TIMD4: variants seen among roughly 807,000 people sequenced by gnomAD.
TIMD4 encodes T cell immunoglobulin and mucin domain containing 4.
A neutral mutation model predicts 41.2 loss-of-function variants in TIMD4; 31 were observed. The ratio of observed to expected loss-of-function variants is 0.75; its 90% CI spans 0.57 to 1.01. The LOEUF (loss-of-function observed/expected upper bound fraction) is 1.01. TIMD4 is among the 50% of genes least tolerant of loss of function. The pLI, the probability that TIMD4 is intolerant of heterozygous loss-of-function variation, is 0.00. For missense variants in TIMD4, 479 were observed against 472.5 expected, an observed-to-expected ratio of 1.01 and a Z score of -0.13; for synonymous variants, 204 against 177.1, an observed-to-expected ratio of 1.15 and a Z score of -1.21.
At chr5:156,948,105 G>A (rs542083229) in intron 5 of TIMD4, among the ~76,000 whole-genome samples, 2 of 152,288 alleles carry the variant, frequency 1.3e-5, no homozygotes, top group South Asian at 2.1e-4. Context: ...GCTGGCGGGA[G>A]GATGTGGTAC....
chr5:156,937,382 CAG>C (rs147842589), intron 5 of TIMD4, among the ~76,000 whole-genome samples: 1 of 151,958 alleles, frequency 6.6e-6, no homozygotes, highest in Non-Finnish European at 1.5e-5. Flanking sequence ...GGGCAGAAAA[CAG>C]AGAGAGAGAC....
chr5:156,941,908 A>G (rs1332710529), intron 5 of TIMD4, among the ~76,000 whole-genome samples: 2 of 152,232 alleles, frequency 1.3e-5, no homozygotes, highest in African/African-American at 2.4e-5. Context: ...CCTTAACTCC[A>G]TGGAAAGGCC....
intron 3 of TIMD4, among the ~76,000 whole-genome samples, chr5:156,950,086 G>A (rs1759825917): frequency 6.6e-6 from 1 of 151,538 alleles, no homozygotes; most frequent in Non-Finnish European, 1.5e-5. Context: ...CCAAAGTGCT[G>A]AGGTTACAGG....
intron 1 of TIMD4, among the ~76,000 whole-genome samples, chr5:156,957,498 G>A (rs1237342358): frequency 2.5e-5 from 2 of 80,240 alleles, no homozygotes; most frequent in East Asian, 5.2e-4. Context: ...GGGTGACAGA[G>A]CGAGAGTCTA....
chr5:156,943,803 G>A (rs1400386252), intron 5 of TIMD4, among the ~76,000 whole-genome samples: 2 of 151,870 alleles, frequency 1.3e-5, no homozygotes, highest in Non-Finnish European at 2.9e-5. Context: ...TGTAATCCCA[G>A]CACTTTGGGA....
chr5:156,924,492 G>C (rs1345617), intron 6 of TIMD4: 124,480 of 470,660 alleles, frequency 0.26, 17,867 homozygotes, highest in Admixed American at 0.4. Context: ...TGTTGGACTT[G>C]TTTTGGCTAG....
intron 5 of TIMD4, among the ~76,000 whole-genome samples, chr5:156,932,477 T>G (rs972097382): frequency 5.3e-5 from 8 of 152,214 alleles, no homozygotes; most frequent in African/African-American, 1.9e-4. Context: ...TGCTTGTTTT[T>G]TAAGTCCAAA....
At chr5:156,933,541 AGTGTT>A (rs1759481821) in intron 5 of TIMD4, among the ~76,000 whole-genome samples, 4 of 63,528 alleles carry the variant, frequency 6.3e-5, no homozygotes, top group Admixed American at 3.8e-4. Flanking sequence ...CATGGGTGAG[AGTGTT>A]GTTTTGTTTT....
At chr5:156,932,040 C>CA (rs1285487981) in intron 5 of TIMD4, among the ~76,000 whole-genome samples, 1 of 152,046 alleles carries the variant, frequency 6.6e-6, no homozygotes, top group African/African-American at 2.4e-5. Context: ...AATGAGTATG[C>CA]AAATACTTAA....
At chr5:156,948,813 G>A (rs969244042) in intron 4 of TIMD4, among the ~76,000 whole-genome samples, 3 of 152,190 alleles carry the variant, frequency 2.0e-5, no homozygotes, top group African/African-American at 7.2e-5. Context: ...TGAAGCCGGA[G>A]CACCCACATA....
intron 2 of TIMD4, among the ~76,000 whole-genome samples, chr5:156,953,674 AAG>A (rs1238061896): frequency 6.7e-6 from 1 of 148,836 alleles, no homozygotes; most frequent in Non-Finnish European, 1.5e-5. Flanking sequence ...AAAAAAAAAA[AAG>A]AGAGAGAGAG....
At chr5:156,947,754 C>A (rs953706207) in intron 5 of TIMD4, among the ~76,000 whole-genome samples, 17 of 152,088 alleles carry the variant, frequency 1.1e-4, no homozygotes, top group African/African-American at 4.1e-4. Flanking sequence ...TATGTAGACA[C>A]ATAAGGGAAT....
chr5:156,951,807 A>T lies in TIMD4; in HGVS notation c.401-17T>A. 1 of 1,613,534 alleles carries T rather than the reference A, an allele frequency of 6.2e-7. No homozygotes were observed. Among genetic ancestry groups the T allele is most frequent in the Admixed American group, 1.7e-5 (1 of 59,986 alleles). On this transcript the variant is annotated splice_polypyrimidine_tract_variant and intron_variant, in intron 2 of 8. Coordinates refer to ENST00000274532, the MANE Select transcript of TIMD4 (RefSeq NM_138379.3). Reference sequence around the variant, plus strand: ...TTGTTGAGGCTGTAACCAACAACAGACATGTTTGGCACCAAGCGGAGATGG... The same window carrying T: ...TTGTTGAGGCTGTAACCAACAACAGTCATGTTTGGCACCAAGCGGAGATGG...
intron 1 of TIMD4, among the ~76,000 whole-genome samples, chr5:156,959,734 G>T (rs1760043786): frequency 6.6e-6 from 1 of 152,038 alleles, no homozygotes; most frequent in Non-Finnish European, 1.5e-5. Context: ...TTTTAATTTG[G>T]TTATCTTAGA....
chr5:156,940,246 A>C (rs13179576), intron 5 of TIMD4, among the ~76,000 whole-genome samples: 1 of 152,064 alleles, frequency 6.6e-6, no homozygotes, highest in African/African-American at 2.4e-5. Context: ...ACGGAGTCTC[A>C]CTTACACAGT....
chr5:156,954,474 A>C lies in TIMD4; in HGVS notation c.341T>G (p.Ile114Arg). 1.2e-6 allele frequency: 2 copies of C among 1,614,228 alleles called. No homozygotes were observed. Among genetic ancestry groups the C allele is most frequent in the South Asian group, 2.2e-5 (2 of 91,082 alleles). Reference protein sequence around the residue: ...ESDSGVYCCRIEVPGWFNDVK... With the variant: ...ESDSGVYCCRREVPGWFNDVK... Reference sequence around the variant, plus strand: ...ATCGTTGAACCAGCCAGGCACTTCTATGCGGCAGCAGTACACACCGCTGTC... The same window carrying C: ...ATCGTTGAACCAGCCAGGCACTTCTCTGCGGCAGCAGTACACACCGCTGTC... Residue 114 changes from isoleucine (I) to arginine (R), a missense_variant, in exon 2 of 9, where the codon ATA becomes AGA. Coordinates refer to ENST00000274532, the MANE Select transcript of TIMD4 (RefSeq NM_138379.3).
At chr5:156,953,273 G>T (rs1382444917) in intron 2 of TIMD4, among the ~76,000 whole-genome samples, 1 of 152,142 alleles carries the variant, frequency 6.6e-6, no homozygotes, top group African/African-American at 2.4e-5. Context: ...TTAAGAGAAA[G>T]ACATACTAAT....
At chr5:156,957,446 G>T (rs1759990852) in intron 1 of TIMD4, among the ~76,000 whole-genome samples, 1 of 149,678 alleles carries the variant, frequency 6.7e-6, no homozygotes, top group African/African-American at 2.5e-5. Flanking sequence ...CCAGGAGGCG[G>T]AGGTTGCAGT....
At chr5:156,947,711 C>T (rs1322792571) in intron 5 of TIMD4, among the ~76,000 whole-genome samples, 1 of 152,158 alleles carries the variant, frequency 6.6e-6, no homozygotes, top group Non-Finnish European at 1.5e-5. Flanking sequence ...TGTCTAAAGA[C>T]ATGCACAAAA....
Sources: gnomAD v4.1 joint callset for allele counts (sites outside exome capture counted in the v4.1 genomes callset) on GRCh38, gnomAD v4.1.1 for gene constraint, MANE v1.5 for transcripts, NCBI Gene and HGNC (gene_info 2026-07-23, HGNC 2026-07-21) for gene names.